The following CFAP54 variants were observed in gnomAD, a reference collection of about 807,000 sequenced individuals.
CFAP54 encodes the protein cilia and flagella associated protein 54, also known as cilia- and flagella-associated protein 54.
Under a neutral mutation model 370.4 loss-of-function variants are expected in CFAP54, and 290 were observed. That is an observed-to-expected ratio of 0.78 (90% CI 0.71 to 0.86). The LOEUF (loss-of-function observed/expected upper bound fraction) is 0.86, where lower values mean the gene tolerates loss of function less well. Among genes scored for constraint, CFAP54 ranks in the 40% least tolerant of loss-of-function variants. CFAP54 has a pLI of 0.00. For missense variants in CFAP54, 3,399 were observed against 3,528.7 expected (o/e 0.96, Z 0.93); for synonymous variants, 1,206 against 1,236.5 (o/e 0.98, Z 0.52).
intron 60 of CFAP54, among the ~76,000 whole-genome samples, chr12:96,780,080 G>C (rs763082644): frequency 1.1e-4 from 16 of 152,004 alleles, no homozygotes; most frequent in Admixed American, 5.9e-4. Context: ...ATATACTCTG[G>C]ATATGACCCT....
intron 33 of CFAP54, among the ~76,000 whole-genome samples, chr12:96,647,360 C>G (rs867446531): frequency 6.7e-6 from 1 of 149,586 alleles, no homozygotes; most frequent in African/African-American, 2.5e-5. Flanking sequence ...GTAGTCCCAG[C>G]TACTCTGGAG....
chr12:96,650,668 T>C (rs574219045), intron 35 of CFAP54, among the ~76,000 whole-genome samples: 131 of 152,296 alleles, frequency 8.6e-4, no homozygotes, highest in Non-Finnish European at 1.3e-3. Flanking sequence ...AGGAAGGGCA[T>C]AGGGCATATA....
At chr12:96,587,539 T>C (rs151140420) in intron 22 of CFAP54, among the ~76,000 whole-genome samples, 2,396 of 152,296 alleles carry the variant, frequency 0.016, 33 homozygotes, top group South Asian at 0.05. Flanking sequence ...TAACCATTTT[T>C]GAACATGCTT....
chr12:96,728,039 G>C (rs1239139612), intron 50 of CFAP54, among the ~76,000 whole-genome samples: 1 of 152,178 alleles, frequency 6.6e-6, no homozygotes, highest in Admixed American at 6.5e-5. Context: ...TTTCTGCTGA[G>C]AGATCCACTG....
intron 67 of CFAP54, among the ~76,000 whole-genome samples, chr12:96,874,116 A>T (rs1049738167): frequency 6.6e-6 from 1 of 152,198 alleles, no homozygotes; most frequent in African/African-American, 2.4e-5. Context: ...TGCCTACTTA[A>T]CATCTCCATT....
At chr12:96,562,281 T>C (rs1253703594) in intron 17 of CFAP54, among the ~76,000 whole-genome samples, 1 of 152,172 alleles carries the variant, frequency 6.6e-6, no homozygotes, top group Non-Finnish European at 1.5e-5. Context: ...AAAAACCTAC[T>C]AAGTAAATTA....
At chr12:96,810,599 C>T (rs142957571) in intron 63 of CFAP54, among the ~76,000 whole-genome samples, 114 of 152,188 alleles carry the variant, frequency 7.5e-4, no homozygotes, top group African/African-American at 2.6e-3. Flanking sequence ...TTACTCATAC[C>T]GGAACTGAAT....
At chr12:96,653,110 A>G (rs12422779) in intron 36 of CFAP54, among the ~76,000 whole-genome samples, 14,878 of 152,236 alleles carry the variant, frequency 0.098, 905 homozygotes, top group Middle Eastern at 0.16. Context: ...ACCCTCTCAG[A>G]CTTCACTCCA....
rs748816075 is a variant in CFAP54 at position 96,657,943 on chromosome 12, A to G, written c.5162A>G (p.Asn1721Ser). 4 of 1,613,944 alleles carry G rather than the reference A, an allele frequency of 2.5e-6. No homozygotes were observed. Among genetic ancestry groups the G allele is most frequent in the Non-Finnish European group, 3.4e-6 (4 of 1,179,914 alleles). The change falls in exon 37 of 68, where the codon AAC becomes AGC. Residue 1721 changes from asparagine (N) to serine (S), a missense_variant. Transcript: ENST00000524981. Reference protein sequence around the residue: ...PSCYGNIKNDNGGSSLTFEHP... With the variant: ...PSCYGNIKNDSGGSSLTFEHP... ...TGTTATGGGAATATTAAAAATGACAACGGTGGTTCTAGTCTTACCTTTGAG... is the reference window on the plus strand; with the variant it reads ...TGTTATGGGAATATTAAAAATGACAGCGGTGGTTCTAGTCTTACCTTTGAG...
chr12:96,552,938 A>T (rs913449033), intron 15 of CFAP54, among the ~76,000 whole-genome samples: 4 of 152,180 alleles, frequency 2.6e-5, no homozygotes, highest in Non-Finnish European at 5.9e-5. Flanking sequence ...CTTAATCCAT[A>T]GTGGCGAATA....
rs951830259 is a variant in CFAP54 at position 96,661,152 on chromosome 12, C to A, written c.5461-2678C>A. On this transcript the variant is annotated intron_variant, in intron 38 of 67. Transcript: ENST00000524981. Reference sequence around the variant, plus strand: ...ATTGACAATCAGCTTAACCTTTCACCCCTCTCTTCTTTGCAGAGGTTGGGG... The same window carrying A: ...ATTGACAATCAGCTTAACCTTTCACACCTCTCTTCTTTGCAGAGGTTGGGG... 2.6e-5 allele frequency among the ~76,000 whole-genome samples: 4 copies of A among 151,890 alleles called. No individual in the cohort carries two copies. In the East Asian group the frequency reaches 7.7e-4, roughly 29 times the overall value.
At chr12:96,516,760 A>G (rs530940199) in intron 5 of CFAP54, among the ~76,000 whole-genome samples, 44 of 152,346 alleles carry the variant, frequency 2.9e-4, no homozygotes, top group African/African-American at 9.4e-4. Flanking sequence ...AAATGGTTTG[A>G]CAACGTATGT....
intron 46 of CFAP54, among the ~76,000 whole-genome samples, chr12:96,701,222 G>A (rs1317303195): frequency 6.6e-6 from 1 of 152,094 alleles, no homozygotes; most frequent in Non-Finnish European, 1.5e-5. Context: ...CACATAGAGA[G>A]GGGAAAGAGA....
chr12:96,817,349 C>A (rs148856365), intron 64 of CFAP54, among the ~76,000 whole-genome samples: 1 of 151,834 alleles, frequency 6.6e-6, no homozygotes, highest in Admixed American at 6.6e-5. Flanking sequence ...TGATGCTTGG[C>A]GATATCAGAA....
At chr12:96,625,604 A>G (rs1415791843) in intron 28 of CFAP54, 114 bp from the exon 29 acceptor site, 1 of 565,352 alleles carries the variant, frequency 1.8e-6, no homozygotes, top group Non-Finnish European at 3.0e-6. Flanking sequence ...TAGAATAAAT[A>G]GTATTTTCCT....
In CFAP54 at chr12:96,685,117, C is replaced by T; in HGVS notation, c.5893C>T (p.Leu1965Phe). The T allele has an allele frequency of 6.2e-7, 1 of 1,614,148 alleles. No homozygotes were observed. Among genetic ancestry groups the T allele is most frequent in the Non-Finnish European group, 8.5e-7 (1 of 1,180,010 alleles). Residue 1965 changes from leucine to phenylalanine, a missense_variant, in exon 42 of 68, where the codon CTC (leucine) becomes TTC (phenylalanine). Transcript: ENST00000524981. ...CACGTGGAAAGAATTTGGCCCCTCA[C>T]TCACCAATGTCACCAACAGTCATTC... ...LHTWKEFGPS[L>F]TNVTNSHSPP...
intron 26 of CFAP54, among the ~76,000 whole-genome samples, chr12:96,602,157 T>C (rs545888930): frequency 0.015 from 868 of 57,222 alleles, 4 homozygotes; most frequent in Middle Eastern, 0.033. Flanking sequence ...ATATGTTTTG[T>C]CTTTGTTCCA....
At chr12:96,853,482 A>G (rs1959611475) in intron 66 of CFAP54, among the ~76,000 whole-genome samples, 2 of 152,180 alleles carry the variant, frequency 1.3e-5, no homozygotes, top group Admixed American at 1.3e-4. Flanking sequence ...GAAAGTGTAT[A>G]TGCAAGTTGC....
At chr12:96,591,131 T>C (rs1006463360) in intron 23 of CFAP54, among the ~76,000 whole-genome samples, 1 of 152,098 alleles carries the variant, frequency 6.6e-6, no homozygotes, top group African/African-American at 2.4e-5. Flanking sequence ...AGAAAGTGCA[T>C]TGCTAGGGAA....
Sources: allele counts gnomAD v4.1 joint callset (sites outside exome capture counted in the v4.1 genomes callset), GRCh38; gene constraint gnomAD v4.1.1; transcripts MANE v1.5; gene names NCBI Gene and HGNC (gene_info 2026-07-23, HGNC 2026-07-21).